GRID2: variants seen among roughly 807,000 people sequenced by gnomAD.
GRID2 encodes the protein glutamate ionotropic receptor delta type subunit 2, also known as glutamate receptor ionotropic, delta-2.
Under a neutral mutation model 114.8 loss-of-function variants are expected in GRID2, and 33 were observed. That is an observed-to-expected ratio of 0.29 (90% CI 0.22 to 0.38). The LOEUF (loss-of-function observed/expected upper bound fraction) is 0.38, where lower values mean the gene tolerates loss of function less well. Ranked by LOEUF, GRID2 falls within the 10% of genes least tolerant of loss-of-function variation. GRID2 has a pLI of 1.00. For missense variants in GRID2, 1,184 were observed against 1,257.7 expected (o/e 0.94, Z 0.89); for synonymous variants, 505 against 449.9 (o/e 1.12, Z -1.55).
intron 2 of GRID2, among the ~76,000 whole-genome samples, chr4:92,920,522 AG>A (rs1424149031): frequency 2.6e-5 from 4 of 151,902 alleles, no homozygotes; most frequent in Non-Finnish European, 5.9e-5. Flanking sequence ...TTCCTTCAGG[AG>A]CTCTTTTAGG....
At chr4:92,589,050 G>A (rs910164644) in intron 1 of GRID2, among the ~76,000 whole-genome samples, 5 of 152,174 alleles carry the variant, frequency 3.3e-5, no homozygotes, top group African/African-American at 1.2e-4. Flanking sequence ...AGGTTGCAAT[G>A]AGCTGAAATC....
At chr4:93,384,978 T>C (rs1400444584) in intron 8 of GRID2, among the ~76,000 whole-genome samples, 1 of 152,206 alleles carries the variant, frequency 6.6e-6, no homozygotes, top group African/African-American at 2.4e-5. Context: ...AACATGCCTG[T>C]TGAGTTAATG....
At chr4:93,148,695 C>T (rs1327430518) in intron 4 of GRID2, among the ~76,000 whole-genome samples, 1 of 152,030 alleles carries the variant, frequency 6.6e-6, no homozygotes, top group Non-Finnish European at 1.5e-5. Context: ...TCATAAATAT[C>T]TGCAGTTATA....
At chr4:93,310,702 A>G (rs1387418891) in intron 8 of GRID2, among the ~76,000 whole-genome samples, 1 of 152,216 alleles carries the variant, frequency 6.6e-6, no homozygotes, top group Non-Finnish European at 1.5e-5. Flanking sequence ...AATTGCATTC[A>G]GAAACTACTG....
At position 92,870,267 on chromosome 4, in the gene GRID2, G is replaced by GACACAC. The variant is rs370794678; in HGVS notation, c.245-214707_245-214702dup. On this transcript the variant is annotated intron_variant, in intron 2 of 15. Coordinates refer to ENST00000282020, the MANE Select transcript of GRID2 (RefSeq NM_001510.4). Reference sequence around the variant, plus strand: ...TATAATATATTAAGTACATTATACGGACACACACACACACACACACACACA... The same window carrying GACACAC: ...TATAATATATTAAGTACATTATACGGACACACACACACACACACACACACACACACA... 6.2e-3 allele frequency among the ~76,000 whole-genome samples: 890 copies of GACACAC among 144,550 alleles called. 13 individuals carry two copies. The highest frequency in any genetic ancestry group is 0.021 in the African/African-American group (832 of 39,724). The allele number at this position is 144,550 out of a possible 152,430, so 94.8% of individuals were successfully genotyped here.
intron 13 of GRID2, among the ~76,000 whole-genome samples, chr4:93,616,625 T>A (rs917673294): frequency 1.4e-5 from 2 of 145,136 alleles, no homozygotes; most frequent in Non-Finnish European, 3.0e-5. Flanking sequence ...AAAATAAATA[T>A]AAAAAAAAGT....
In GRID2 at chr4:93,515,327, C is replaced by A. The variant is rs767549334; in HGVS notation, c.2109C>A (p.Ser703Arg). The change falls in exon 13 of 16, where the codon AGC becomes AGA. Residue 703 changes from serine (S) to arginine (R), a missense_variant. Around this residue, in one of 3 missense-constraint regions of GRID2, gnomAD observed 717 missense variants for 796.9 expected, o/e 0.90. Transcript: ENST00000282020. ...GACTGAATCCTTTTGAGAGGGACAG[C>A]ATGTATTCCCAAATGTGGCGGATGA... is the stretch of plus-strand genomic sequence containing the variant. The part of the protein sequence containing the change: ...MKGLNPFERD[S>R]MYSQMWRMIN... 1 of 1,611,506 alleles carries A rather than the reference C, an allele frequency of 6.2e-7. No homozygotes were observed. The highest frequency in any genetic ancestry group is 8.5e-7 in the Non-Finnish European group (1 of 1,177,978).
intron 2 of GRID2, among the ~76,000 whole-genome samples, chr4:92,941,147 C>A (rs555021158): frequency 6.6e-6 from 1 of 152,236 alleles, no homozygotes; most frequent in African/African-American, 2.4e-5. Context: ...GGAATGGTAC[C>A]AGCTCCTCCT....
chr4:93,063,852 TA>T (rs1281600606), intron 2 of GRID2, among the ~76,000 whole-genome samples: 1 of 151,656 alleles, frequency 6.6e-6, no homozygotes, highest in Non-Finnish European at 1.5e-5. Context: ...CCGTATTGAT[TA>T]AAAAATATTT....
rs950702457 is a variant in GRID2, at chr4:93,515,261, A to C, written c.2043A>C (p.Thr681=). 1.9e-6 allele frequency: 3 copies of C among 1,597,156 alleles called. No homozygotes were observed. Among genetic ancestry groups the C allele is most frequent in the African/African-American group, 2.7e-5 (2 of 74,146 alleles). ...AGCAAACAGAAATCCCTTATGGCAC[A>C]GTCCTAGACTCTGCGGTATATGAGC... ...LSKQTEIPYG[T]VLDSAVYEHV... Residue 681 remains threonine, a synonymous_variant, in exon 13 of 16, where the codon ACA becomes ACC. Coordinates refer to ENST00000282020, the MANE Select transcript of GRID2 (RefSeq NM_001510.4).
intron 1 of GRID2, among the ~76,000 whole-genome samples, chr4:92,329,079 A>G (rs28437874): frequency 0.014 from 2,075 of 152,132 alleles, 57 homozygotes; most frequent in African/African-American, 0.047. Flanking sequence ...CGTGCATGCT[A>G]ATTTTACTTC....
chr4:92,351,569 G>C (rs1245937932), intron 1 of GRID2, among the ~76,000 whole-genome samples: 1 of 151,500 alleles, frequency 6.6e-6, no homozygotes, highest in Non-Finnish European at 1.5e-5. Flanking sequence ...CTTAACTATA[G>C]ACACCCTACA....
chr4:92,304,788 A>G (rs1725289809), intron 1 of GRID2, 44 bp downstream of exon 1: 1 of 1,366,230 alleles, frequency 7.3e-7, no homozygotes, highest in Non-Finnish European at 1.0e-6. Context: ...TTACCGTTTC[A>G]GTTCTCAAAT....
At chr4:93,154,161 TAATGATA>T (rs1424812962) in intron 4 of GRID2, among the ~76,000 whole-genome samples, 9 of 151,956 alleles carry the variant, frequency 5.9e-5, no homozygotes, top group Non-Finnish European at 1.3e-4. Flanking sequence ...CCCTCAGGAG[TAATGATA>T]CCAGCTCTAC....
At chr4:92,803,840 G>T (rs866711998) in intron 2 of GRID2, among the ~76,000 whole-genome samples, 1 of 152,008 alleles carries the variant, frequency 6.6e-6, no homozygotes, top group Non-Finnish European at 1.5e-5. Context: ...ATGACAATGA[G>T]ACTTTATTCT....
chr4:93,526,305 G>GT (rs1388167469), intron 13 of GRID2, among the ~76,000 whole-genome samples: 1 of 152,120 alleles, frequency 6.6e-6, no homozygotes, highest in Non-Finnish European at 1.5e-5. Context: ...CACCATGATT[G>GT]TAAGTTTCCT....
intron 2 of GRID2, among the ~76,000 whole-genome samples, chr4:92,821,558 A>C (rs1741279799): frequency 6.6e-6 from 1 of 152,144 alleles, no homozygotes; most frequent in African/African-American, 2.4e-5. Flanking sequence ...AGTTACATAA[A>C]CAGAAATTTA....
intron 7 of GRID2, among the ~76,000 whole-genome samples, chr4:93,225,172 C>G (rs1180121601): frequency 6.6e-6 from 1 of 152,190 alleles, no homozygotes; most frequent in African/African-American, 2.4e-5. Context: ...TGGTAAGACA[C>G]TGGATGTGAT....
intron 4 of GRID2, among the ~76,000 whole-genome samples, chr4:93,134,882 C>T (rs1735105146): frequency 6.6e-6 from 1 of 151,912 alleles, no homozygotes; most frequent in South Asian, 2.1e-4. Flanking sequence ...GCCTCGTTGC[C>T]CCTCGCTGTT....
Sources: gnomAD v4.1 joint callset for allele counts (sites outside exome capture counted in the v4.1 genomes callset) on GRCh38, gnomAD v4.1.1 for gene constraint, gnomAD v4.1.1 regional missense constraint, MANE v1.5 for transcripts, NCBI Gene and HGNC (gene_info 2026-07-23, HGNC 2026-07-21) for gene names.